TENM1: variants seen among roughly 807,000 people sequenced by gnomAD.
TENM1 encodes the protein teneurin-1.
In TENM1, 35 loss-of-function variants were observed where a neutral mutation model predicts 174.8. That is an observed-to-expected ratio of 0.20 (90% CI 0.15 to 0.27). The LOEUF (loss-of-function observed/expected upper bound fraction) is 0.27, where lower values mean the gene tolerates loss of function less well. TENM1 is among the 10% of genes least tolerant of loss of function. The pLI is 1.00. For synonymous variants in TENM1, 781 were observed against 798.7 expected (o/e 0.98, Z 0.37); for missense variants, 1,633 against 2,130.1 (o/e 0.77, Z 4.59).
At chrX:124,821,135 T>G (rs2147294748) in intron 3 of TENM1, among the ~76,000 whole-genome samples, 1 of 112,524 alleles carries the variant, frequency 8.9e-6, no homozygotes, top group Admixed American at 9.4e-5. Flanking sequence ...CCTTGTCATT[T>G]ATCAATATCT....
At chrX:125,132,295 C>T in the TENM1 span, among the ~76,000 whole-genome samples, 2 of 111,936 alleles carry the variant, frequency 1.8e-5, no homozygotes, top group Admixed American at 9.5e-5. Flanking sequence ...GCAGGATACA[C>T]TGAGTATGGC....
At chrX:125,116,296 C>A in the TENM1 span, among the ~76,000 whole-genome samples, 2 of 111,881 alleles carry the variant, frequency 1.8e-5, no homozygotes, top group Non-Finnish European at 3.8e-5. Flanking sequence ...AGAAGAGAAC[C>A]TAGGCAATAC....
At chrX:124,411,774 G>A (rs1319938602) in intron 25 of TENM1, 3 of 112,119 alleles carry the variant, frequency 2.7e-5, no homozygotes, top group Non-Finnish European at 3.8e-5. Context: ...GAAATAGAGC[G>A]AGATTTTGAT....
exon 32 of TENM1, chrX:124,380,050 C>T (rs2060139657): frequency 8.8e-6 from 1 of 113,197 alleles, no homozygotes; most frequent in Non-Finnish European, 1.9e-5. Context: ...AGACATTTTA[C>T]ACCTGTTTTT....
chrX:124,376,774 T>TG (rs1389415278), exon 32 of TENM1: 2 of 111,396 alleles, frequency 1.8e-5, no homozygotes, highest in African/African-American at 6.5e-5. Context: ...TTTTTTGTTT[T>TG]TTTTGTTTTG....
exon 12 of TENM1, chrX:124,565,412 C>T (rs753545135): frequency 2.5e-6 from 3 of 1,208,420 alleles, no homozygotes; most frequent in South Asian, 3.5e-5. Flanking sequence ...CAGGGCTACA[C>T]TCACATTTTC....
the TENM1 span, among the ~76,000 whole-genome samples, chrX:125,022,392 C>G: frequency 1.8e-5 from 2 of 111,378 alleles, no homozygotes; most frequent in African/African-American, 6.5e-5. Context: ...ATATAAGCAC[C>G]AGGGTTCGAT....
In TENM1 at chrX:124,930,510, G is replaced by A. The variant is rs1394198075; in HGVS notation, c.217+33027C>T. Among the ~76,000 whole-genome samples the A allele has an allele frequency of 2.7e-5, 3 of 111,545 alleles. No individual in the cohort carries two copies. The East Asian group carries it at 8.5e-4, about 31-fold the overall frequency. On this transcript the variant is annotated intron_variant, in intron 1 of 31. Transcript: ENST00000422452. ...CTTTGTGTACCGAATTGATACTCAT[G>A]TTGCACCTATACATCTGACATCTTC...
chrX:124,712,340 C>T (rs968213205), intron 4 of TENM1, among the ~76,000 whole-genome samples: 25 of 111,111 alleles, frequency 2.2e-4, no homozygotes, highest in Admixed American at 2.2e-3. Flanking sequence ...TCTCCACATC[C>T]TCACCAATAC....
At chrX:125,070,304 T>C in the TENM1 span, among the ~76,000 whole-genome samples, 2 of 111,623 alleles carry the variant, frequency 1.8e-5, no homozygotes, top group African/African-American at 3.3e-5. Flanking sequence ...TTTTTTCTTA[T>C]GTTTGTTGGC....
At chrX:125,029,122 G>A in the TENM1 span, among the ~76,000 whole-genome samples, 1 of 111,716 alleles carries the variant, frequency 9.0e-6, no homozygotes, top group African/African-American at 3.2e-5. Flanking sequence ...GTTGGCTTGG[G>A]TTGGCCTTGA....
At chrX:125,062,996 A>G in the TENM1 span, among the ~76,000 whole-genome samples, 6 of 112,532 alleles carry the variant, frequency 5.3e-5, no homozygotes, top group Admixed American at 9.4e-5. Context: ...AAATGAATGA[A>G]CAACCATATT....
At chrX:125,096,689 C>G in the TENM1 span, among the ~76,000 whole-genome samples, 8 of 110,780 alleles carry the variant, frequency 7.2e-5, no homozygotes, top group Non-Finnish European at 1.1e-4. Context: ...AAGTGGGACT[C>G]TTTTTAAAAA....
intron 1 of TENM1, among the ~76,000 whole-genome samples, chrX:124,923,338 T>C (rs992110702): frequency 8.9e-6 from 1 of 111,944 alleles, no homozygotes; most frequent in African/African-American, 3.2e-5. Context: ...TTCCTTTATT[T>C]TGAAACAGTT....
At chrX:125,186,764 T>C in the TENM1 span, among the ~76,000 whole-genome samples, 1 of 111,416 alleles carries the variant, frequency 9.0e-6, no homozygotes, top group Non-Finnish European at 1.9e-5. Flanking sequence ...CCTTTCTTTA[T>C]AAATTACACA....
At chrX:124,969,418 C>T in the TENM1 span, among the ~76,000 whole-genome samples, 2 of 111,876 alleles carry the variant, frequency 1.8e-5, no homozygotes, top group Non-Finnish European at 3.8e-5. Flanking sequence ...TATTTAGTCA[C>T]TGTAAGGTTA....
chrX:124,507,344 T>A (rs1478866731), intron 18 of TENM1, among the ~76,000 whole-genome samples: 2 of 111,432 alleles, frequency 1.8e-5, no homozygotes, highest in Non-Finnish European at 3.8e-5. Context: ...TCTAATTTCA[T>A]CTGGATTTCT....
intron 3 of TENM1, among the ~76,000 whole-genome samples, chrX:124,812,792 G>A (rs2055812972): frequency 9.0e-6 from 1 of 111,334 alleles, no homozygotes; most frequent in African/African-American, 3.2e-5. Context: ...CATGATGTAA[G>A]AAAGTAGTTT....
Position 124,938,703 on chromosome X carries a change from T to C in TENM1, c.217+24834A>G, listed in dbSNP as rs1294549931. 3.6e-5 allele frequency among the ~76,000 whole-genome samples: 4 copies of C among 111,882 alleles called. No homozygotes were observed. In the East Asian group the frequency reaches 1.1e-3, roughly 31 times the overall value. On this transcript the variant is annotated intron_variant, in intron 1 of 31. Transcript: ENST00000422452. ...AGAAGACTACTGAGAGTTTCTAGAG[T>C]TGCTGAAAAGGGTAGAAACTACATG...
Sources: gnomAD v4.1 joint callset for allele counts (sites outside exome capture counted in the v4.1 genomes callset) on GRCh38, gnomAD v4.1.1 for gene constraint, MANE v1.5 for transcripts, NCBI Gene and HGNC (gene_info 2026-07-23, HGNC 2026-07-21) for gene names.